The following C9 variants were observed in gnomAD, a reference collection of about 807,000 sequenced individuals.
C9 encodes complement C9.
Under a neutral mutation model 65.4 loss-of-function variants are expected in C9, and 63 were observed. That is an observed-to-expected ratio of 0.96 (90% CI 0.79 to 1.19). C9 has a LOEUF of 1.19. C9 is among the 50% of genes most tolerant of loss of function. C9 has a pLI of 0.00. For synonymous variants in C9, 229 were observed against 227.9 expected (o/e 1.00, Z -0.04); for missense variants, 744 against 670.1 (o/e 1.11, Z -1.22).
intron 1 of C9, among the ~76,000 whole-genome samples, chr5:39,351,176 C>T (rs1052317955): frequency 6.6e-6 from 1 of 152,172 alleles, no homozygotes; most frequent in African/African-American, 2.4e-5. Flanking sequence ...GGAGTTGGAG[C>T]AGCTGTGATG....
At chr5:39,343,853 A>C (rs903940238) in intron 1 of C9, among the ~76,000 whole-genome samples, 9 of 149,474 alleles carry the variant, frequency 6.0e-5, no homozygotes, top group Non-Finnish European at 1.3e-4. Flanking sequence ...AAGCAGCAAC[A>C]TTTGCTGTTC....
At chr5:39,317,494 T>C (rs6890045) in intron 5 of C9, among the ~76,000 whole-genome samples, 15,820 of 152,274 alleles carry the variant, frequency 0.1, 1,029 homozygotes, top group African/African-American at 0.17. Flanking sequence ...TATAAGTCTT[T>C]AGTCCATCTT....
intron 4 of C9, among the ~76,000 whole-genome samples, chr5:39,335,886 G>C (rs1753955419): frequency 6.6e-6 from 1 of 152,130 alleles, no homozygotes. Flanking sequence ...GTGTGGGTAA[G>C]AGCTCAGAGA....
chr5:39,359,438 C>T (rs1217713168), intron 1 of C9, among the ~76,000 whole-genome samples: 11 of 151,560 alleles, frequency 7.3e-5, no homozygotes, highest in Non-Finnish European at 1.2e-4. Context: ...GGGATGTCGG[C>T]GTATAAGTGG....
intron 1 of C9, among the ~76,000 whole-genome samples, chr5:39,357,761 A>G (rs184073565): frequency 6.6e-6 from 1 of 152,258 alleles, no homozygotes; most frequent in Admixed American, 6.5e-5. Context: ...TCTTCCCATC[A>G]AAAGTAGGGT....
intron 4 of C9, among the ~76,000 whole-genome samples, chr5:39,338,572 T>C (rs1320744077): frequency 6.6e-6 from 1 of 152,208 alleles, no homozygotes; most frequent in African/African-American, 2.4e-5. Flanking sequence ...CATAGAACAA[T>C]AGGTTTCATG....
chr5:39,316,212 T>C (rs1753567556), intron 5 of C9, among the ~76,000 whole-genome samples, 183 bp from the exon 6 acceptor site: 1 of 152,200 alleles, frequency 6.6e-6, no homozygotes, highest in Admixed American at 6.5e-5. Flanking sequence ...TTTGAAGTGA[T>C]TATGCAATAA....
At chr5:39,294,277 A>C (rs1025356105) in intron 9 of C9, among the ~76,000 whole-genome samples, 3 of 151,774 alleles carry the variant, frequency 2.0e-5, no homozygotes, top group African/African-American at 7.2e-5. Flanking sequence ...AAGTTGATTA[A>C]AGGTTTTTAT....
chr5:39,358,233 A>G (rs112162589), intron 1 of C9, among the ~76,000 whole-genome samples: 2 of 152,340 alleles, frequency 1.3e-5, no homozygotes, highest in African/African-American at 2.4e-5. Context: ...AAAAAGCAAA[A>G]CAAAAAGAGA....
At position 39,325,755 on chromosome 5, in the gene C9, G is replaced by C. The variant is rs529682564; in HGVS notation, c.615+5921C>G. On this transcript the variant is annotated intron_variant, in intron 5 of 10. Coordinates refer to ENST00000263408, the MANE Select transcript of C9 (RefSeq NM_001737.5). ...CCACTGCACTCCAGCCTGGGCAACAGAGCGAGACTCCATCTCAAAAAAAAA... is the reference window on the plus strand; with the variant it reads ...CCACTGCACTCCAGCCTGGGCAACACAGCGAGACTCCATCTCAAAAAAAAA... Among the ~76,000 whole-genome samples, 290 of 137,446 alleles carry C rather than the reference G, an allele frequency of 2.1e-3. 3 individuals carry two copies. Among genetic ancestry groups the C allele is most frequent in the Non-Finnish European group, 2.8e-3 (182 of 65,910 alleles). The allele number at this position is 137,446 out of a possible 152,430, so 90.2% of individuals were successfully genotyped here. A position where few individuals can be genotyped will look rare whatever the true frequency, so the allele number is the denominator to read the frequency against.
rs185698351 is a variant in C9, at chr5:39,314,673, C to G, written c.870+1102G>C. ...AGACTTCTCTAACAGTTCCTTCCGT[C>G]AGATAAATAATCTGAAATCTTACTC... On this transcript the variant is annotated intron_variant, in intron 6 of 10. Coordinates refer to ENST00000263408, the MANE Select transcript of C9 (RefSeq NM_001737.5). 1.1e-3 allele frequency among the ~76,000 whole-genome samples: 174 copies of G among 152,206 alleles called. 1 individual carries two copies. The highest frequency in any genetic ancestry group is 3.5e-4 in the Non-Finnish European group (24 of 68,002).
In C9 at chr5:39,329,355, C is replaced by T. The variant is rs184170639; in HGVS notation, c.615+2321G>A. On this transcript the variant is annotated intron_variant, in intron 5 of 10. Coordinates refer to ENST00000263408, the MANE Select transcript of C9 (RefSeq NM_001737.5). Reference sequence around the variant, plus strand: ...CTGAGGGCTTGCTATATGCCAGTGACTTTCTGAGTGTTTCACATATTTAGA... The same window carrying T: ...CTGAGGGCTTGCTATATGCCAGTGATTTTCTGAGTGTTTCACATATTTAGA... Among the ~76,000 whole-genome samples the T allele has an allele frequency of 6.3e-3, 954 of 152,248 alleles. 10 individuals are homozygous for T. Among genetic ancestry groups the T allele is most frequent in the African/African-American group, 0.021 (867 of 41,534 alleles).
At chr5:39,301,464 A>G (rs1461148744) in intron 9 of C9, among the ~76,000 whole-genome samples, 1 of 152,086 alleles carries the variant, frequency 6.6e-6, no homozygotes, top group East Asian at 1.9e-4. Flanking sequence ...CTAATTACTC[A>G]GTGTGAATTT....
intron 2 of C9, 47 bp downstream of exon 2, chr5:39,342,044 C>T (rs757139751): frequency 1.7e-5 from 18 of 1,044,842 alleles, no homozygotes; most frequent in Non-Finnish European, 1.8e-5. Context: ...GCTAGCAATA[C>T]AGTTTCCATT....
chr5:39,331,582 T>G (rs376966233), intron 5 of C9, 94 bp downstream of exon 5: 5 of 1,036,314 alleles, frequency 4.8e-6, no homozygotes, highest in African/African-American at 4.7e-5. Context: ...AAATTATTAT[T>G]CTACTGAGTT....
intron 1 of C9, among the ~76,000 whole-genome samples, chr5:39,347,900 AG>A (rs1488480650): frequency 2.0e-5 from 3 of 151,182 alleles, no homozygotes; most frequent in African/African-American, 7.3e-5. Flanking sequence ...GACAAACCTG[AG>A]AAAAACAAGA....
intron 4 of C9, among the ~76,000 whole-genome samples, chr5:39,337,751 A>C (rs552998): frequency 0.018 from 2,720 of 152,384 alleles, 86 homozygotes; most frequent in African/African-American, 0.063. Flanking sequence ...CTTCTGGAGA[A>C]TCTCAGATGC....
At chr5:39,341,741 A>G (rs1172273381) in intron 2 of C9, 41 bp from the exon 3 acceptor site, 5 of 1,583,816 alleles carry the variant, frequency 3.2e-6, no homozygotes, top group East Asian at 4.5e-5. Flanking sequence ...TTCTAATGCC[A>G]AAAAAAGGGT....
At chr5:39,326,528 G>A (rs1056799270) in intron 5 of C9, among the ~76,000 whole-genome samples, 2 of 152,044 alleles carry the variant, frequency 1.3e-5, no homozygotes, top group Non-Finnish European at 2.9e-5. Flanking sequence ...AAACTCTCAG[G>A]GTTTTGCTCT....
Sources: allele counts gnomAD v4.1 joint callset (sites outside exome capture counted in the v4.1 genomes callset), GRCh38; gene constraint gnomAD v4.1.1; transcripts MANE v1.5; gene names NCBI Gene and HGNC (gene_info 2026-07-23, HGNC 2026-07-21).